Variants in DRC8 observed in about 807,000 individuals in gnomAD.
The protein encoded by DRC8 is dynein regulatory complex subunit 8, also known as dynein regulatory complex protein 8.
the DRC8 span, among the ~76,000 whole-genome samples, chr1:245,070,820 T>A: frequency 4.3e-3 from 658 of 152,258 alleles, 4 homozygotes; most frequent in South Asian, 0.022. Context: ...TATTAAGAGG[T>A]GGAGTCTTCA....
the DRC8 span, among the ~76,000 whole-genome samples, chr1:244,973,028 C>T: frequency 2.6e-5 from 4 of 151,972 alleles, no homozygotes; most frequent in Non-Finnish European, 4.4e-5. Flanking sequence ...ATTTGATTGT[C>T]AGCTACTGTA....
the DRC8 span, among the ~76,000 whole-genome samples, chr1:245,014,418 G>A: frequency 1.3e-5 from 2 of 152,236 alleles, no homozygotes; most frequent in South Asian, 4.1e-4. Flanking sequence ...AATCAAAGCA[G>A]TGTAAATTTA....
the DRC8 span, among the ~76,000 whole-genome samples, chr1:245,055,333 T>G: frequency 6.6e-6 from 1 of 152,204 alleles, no homozygotes; most frequent in Non-Finnish European, 1.5e-5. Flanking sequence ...TTGGTATTTC[T>G]TTTAGAGACA....
the DRC8 span, among the ~76,000 whole-genome samples, chr1:245,040,660 G>A: frequency 6.6e-6 from 1 of 152,170 alleles, no homozygotes; most frequent in African/African-American, 2.4e-5. Context: ...ATTAATTATT[G>A]TCTGGGCACG....
the DRC8 span, among the ~76,000 whole-genome samples, chr1:244,987,608 C>A: frequency 4.6e-5 from 7 of 150,666 alleles, no homozygotes; most frequent in African/African-American, 1.7e-4. Context: ...CTCCCCTGAC[C>A]CCCCCAGCCA....
At chr1:245,034,562 T>TTCCAC in the DRC8 span, among the ~76,000 whole-genome samples, 1 of 132,110 alleles carries the variant, frequency 7.6e-6, no homozygotes, top group Non-Finnish European at 1.5e-5. Context: ...CATTGTGCCA[T>TTCCAC]TCCACTCCAG....
the DRC8 span, among the ~76,000 whole-genome samples, chr1:245,060,667 G>A: frequency 3.9e-5 from 6 of 152,342 alleles, no homozygotes; most frequent in East Asian, 9.6e-4. Context: ...CAAGCTGGAA[G>A]TGTGGAAGAG....
At chr1:245,069,495 G>C in the DRC8 span, among the ~76,000 whole-genome samples, 5,431 of 152,124 alleles carry the variant, frequency 0.036, 292 homozygotes, top group African/African-American at 0.11. Context: ...TGGACCCATG[G>C]ATTTCAAACC....
chr1:245,109,612 T>C, the DRC8 span, among the ~76,000 whole-genome samples: 1 of 152,228 alleles, frequency 6.6e-6, no homozygotes, highest in African/African-American at 2.4e-5. Context: ...TGCAGAGTCA[T>C]TTATGTATGT....
chr1:245,054,781 C>T, the DRC8 span, among the ~76,000 whole-genome samples: 5 of 152,228 alleles, frequency 3.3e-5, no homozygotes, highest in South Asian at 6.2e-4. Flanking sequence ...ACTTCGCACT[C>T]TTATGAGTAT....
At chr1:245,083,558 A>G in the DRC8 span, 2 of 1,584,020 alleles carry the variant, frequency 1.3e-6, no homozygotes, top group Admixed American at 3.6e-5. Context: ...TATATGAAAA[A>G]TTTATCATGT....
the DRC8 span, among the ~76,000 whole-genome samples, chr1:245,039,968 T>C: frequency 1.9e-4 from 29 of 152,328 alleles, no homozygotes. Context: ...ACAGCAAAGT[T>C]ATGAATTTTC....
At chr1:245,018,226 C>CAAAAA in the DRC8 span, among the ~76,000 whole-genome samples, 24 of 62,658 alleles carry the variant, frequency 3.8e-4, no homozygotes, top group African/African-American at 1.2e-3. Flanking sequence ...GACTCTGTCT[C>CAAAAA]AAAAAAAAAA....
chr1:245,043,535 A>G, the DRC8 span, among the ~76,000 whole-genome samples: 1 of 152,204 alleles, frequency 6.6e-6, no homozygotes, highest in African/African-American at 2.4e-5. Context: ...TCAAAAGCCT[A>G]CCAAAATTGA....
At chr1:245,111,565 G>A in the DRC8 span, among the ~76,000 whole-genome samples, 3 of 152,142 alleles carry the variant, frequency 2.0e-5, no homozygotes, top group Non-Finnish European at 4.4e-5. Flanking sequence ...GAACGTATTC[G>A]CAGTGCCTCC....
chr1:245,047,291 G>A, the DRC8 span, among the ~76,000 whole-genome samples: 1,317 of 152,234 alleles, frequency 8.7e-3, 12 homozygotes, highest in Non-Finnish European at 0.014. Flanking sequence ...ATGTTATATG[G>A]ATTATCTACT....
At chr1:245,085,049 A>T in the DRC8 span, among the ~76,000 whole-genome samples, 2 of 152,238 alleles carry the variant, frequency 1.3e-5, no homozygotes, top group African/African-American at 4.8e-5. Context: ...AATGGCCCAA[A>T]CAGTTAGATT....
chr1:245,040,273 T>G, the DRC8 span, among the ~76,000 whole-genome samples: 1 of 152,150 alleles, frequency 6.6e-6, no homozygotes, highest in African/African-American at 2.4e-5. Flanking sequence ...CAGTAAACAT[T>G]TATGGAACCC....
chr1:245,079,022 T>C, the DRC8 span, among the ~76,000 whole-genome samples: 1 of 152,224 alleles, frequency 6.6e-6, no homozygotes, highest in East Asian at 1.9e-4. Context: ...CTGTATTATA[T>C]TTGGAACTTT....
Sources: allele counts gnomAD v4.1 joint callset (sites outside exome capture counted in the v4.1 genomes callset), GRCh38; gene constraint gnomAD v4.1.1; transcripts MANE v1.5; gene names NCBI Gene and HGNC (gene_info 2026-07-23, HGNC 2026-07-21).